Variants in CCDC192 observed in about 807,000 individuals in gnomAD.
The protein encoded by CCDC192 is coiled-coil domain containing 192, also known as coiled-coil domain-containing protein 192.
chr5:127,902,288 A>G (rs1405925654), intron 6 of CCDC192, among the ~76,000 whole-genome samples: 1 of 151,922 alleles, frequency 6.6e-6, no homozygotes, highest in Non-Finnish European at 1.5e-5. Flanking sequence ...AAATAATAAT[A>G]ATAATAATTA....
At chr5:127,756,094 C>T (rs959582129) in intron 3 of CCDC192, among the ~76,000 whole-genome samples, 4 of 151,664 alleles carry the variant, frequency 2.6e-5, no homozygotes, top group African/African-American at 4.8e-5. Flanking sequence ...GATTGCGCCA[C>T]TGCACTCCAG....
chr5:127,908,228 G>A (rs1311800936), intron 6 of CCDC192, among the ~76,000 whole-genome samples: 1 of 152,036 alleles, frequency 6.6e-6, no homozygotes, highest in Non-Finnish European at 1.5e-5. Flanking sequence ...TATTTTGGAG[G>A]GGGAAATGCT....
At chr5:127,774,607 TC>T (rs1322209368) in intron 3 of CCDC192, among the ~76,000 whole-genome samples, 2 of 152,200 alleles carry the variant, frequency 1.3e-5, no homozygotes, top group African/African-American at 4.8e-5. Flanking sequence ...ATTTCAGTGG[TC>T]TATGTGTCAG....
chr5:127,745,372 TG>T (rs1216819912), intron 2 of CCDC192, among the ~76,000 whole-genome samples: 1 of 152,220 alleles, frequency 6.6e-6, no homozygotes, highest in African/African-American at 2.4e-5. Context: ...AATTATCCAA[TG>T]AGAAACCTTT....
chr5:127,705,664 A>G (rs553908803), intron 1 of CCDC192, among the ~76,000 whole-genome samples: 1 of 152,244 alleles, frequency 6.6e-6, no homozygotes, highest in Admixed American at 6.5e-5. Context: ...GCCTTCAGGG[A>G]GAGGCAGCAT....
intron 5 of CCDC192, among the ~76,000 whole-genome samples, chr5:127,860,106 G>C (rs1751292995): frequency 6.6e-6 from 1 of 151,998 alleles, no homozygotes. Flanking sequence ...TCTCACCTCT[G>C]CGCTCCCAGA....
At chr5:127,771,233 G>A (rs1254413460) in intron 3 of CCDC192, among the ~76,000 whole-genome samples, 2 of 152,206 alleles carry the variant, frequency 1.3e-5, no homozygotes, top group African/African-American at 2.4e-5. Flanking sequence ...ACACATAGGA[G>A]CAGCACTAAG....
At chr5:127,847,170 A>G (rs957736479) in intron 5 of CCDC192, among the ~76,000 whole-genome samples, 5 of 152,134 alleles carry the variant, frequency 3.3e-5, no homozygotes, top group African/African-American at 1.2e-4. Context: ...ACTTTCCCCC[A>G]TGCACTTTTG....
chr5:127,768,621 A>G (rs954957896), intron 3 of CCDC192, among the ~76,000 whole-genome samples: 2 of 152,220 alleles, frequency 1.3e-5, no homozygotes, highest in African/African-American at 4.8e-5. Context: ...GCAGACAAAT[A>G]CAAGAGATTA....
At chr5:127,799,064 C>T (rs978221700) in intron 5 of CCDC192, among the ~76,000 whole-genome samples, 3 of 152,122 alleles carry the variant, frequency 2.0e-5, no homozygotes, top group South Asian at 2.1e-4. Context: ...CTTTTTCATC[C>T]ACATCTTGGC....
intron 3 of CCDC192, among the ~76,000 whole-genome samples, chr5:127,776,419 G>T (rs1392779100): frequency 6.6e-6 from 1 of 152,168 alleles, no homozygotes; most frequent in Non-Finnish European, 1.5e-5. Context: ...GGTGGCTTGG[G>T]TGCTGTTGTT....
intron 6 of CCDC192, among the ~76,000 whole-genome samples, chr5:127,938,992 C>T (rs1158097844): frequency 6.6e-6 from 1 of 152,072 alleles, no homozygotes; most frequent in Non-Finnish European, 1.5e-5. Context: ...CATATGGACT[C>T]TCTCTCCTGG....
intron 6 of CCDC192, among the ~76,000 whole-genome samples, chr5:127,929,739 T>G (rs556108082): frequency 1.3e-5 from 2 of 152,320 alleles, no homozygotes; most frequent in Admixed American, 1.3e-4. Context: ...TGTTTCTCAG[T>G]GCTACACAAC....
intron 5 of CCDC192, among the ~76,000 whole-genome samples, chr5:127,845,002 T>G (rs1750469045): frequency 1.3e-5 from 2 of 152,218 alleles, no homozygotes; most frequent in Admixed American, 6.5e-5. Context: ...ATAGCAAGAT[T>G]GCACTGCTAG....
chr5:127,857,104 A>T (rs912138998), intron 5 of CCDC192, among the ~76,000 whole-genome samples: 1 of 152,194 alleles, frequency 6.6e-6, no homozygotes, highest in Non-Finnish European at 1.5e-5. Flanking sequence ...ATTCTCATGG[A>T]AATCTCAAAA....
intron 5 of CCDC192, among the ~76,000 whole-genome samples, chr5:127,830,129 CA>C (rs1749717691): frequency 1.3e-5 from 2 of 151,620 alleles, no homozygotes; most frequent in South Asian, 4.2e-4. Context: ...GTGCAAGGCT[CA>C]CATGCAAAAA....
chr5:127,858,855 A>T (rs1267351789), intron 5 of CCDC192, among the ~76,000 whole-genome samples: 1 of 152,242 alleles, frequency 6.6e-6, no homozygotes, highest in South Asian at 2.1e-4. Flanking sequence ...CTAATATTTC[A>T]TAAGGCAAGA....
In CCDC192 at chr5:127,902,957, G is replaced by A. The variant is rs116799998; in HGVS notation, c.535+27296G>A. Among the ~76,000 whole-genome samples, 579 of 152,052 alleles carry A rather than the reference G, an allele frequency of 3.8e-3. 1 individual carries two copies. The highest frequency in any genetic ancestry group is 0.013 in the African/African-American group (546 of 41,494). On this transcript the variant is annotated intron_variant, in intron 6 of 6. Coordinates refer to ENST00000514853, the MANE Select transcript of CCDC192 (RefSeq NM_001317938.2). ...AGTGTCAGGAACCCAAATTACACTC[G>A]CTTAAACAAAAAAGGGAATGTATAG...
At chr5:127,709,792 T>C (rs967996429) in intron 2 of CCDC192, among the ~76,000 whole-genome samples, 1 of 152,234 alleles carries the variant, frequency 6.6e-6, no homozygotes, top group Non-Finnish European at 1.5e-5. Context: ...TTTATGATAC[T>C]GTTGCCCAAA....
Sources: allele counts gnomAD v4.1 joint callset (sites outside exome capture counted in the v4.1 genomes callset), GRCh38; gene constraint gnomAD v4.1.1; transcripts MANE v1.5; gene names NCBI Gene and HGNC (gene_info 2026-07-23, HGNC 2026-07-21).